FAT4: variants seen among roughly 807,000 people sequenced by gnomAD.
The protein encoded by FAT4 is FAT atypical cadherin 4.
A neutral mutation model predicts 303.9 loss-of-function variants in FAT4; 84 were observed. That is an observed-to-expected ratio of 0.28 (90% confidence interval 0.23 to 0.33). The LOEUF (loss-of-function observed/expected upper bound fraction) is 0.33. Among genes scored for constraint, FAT4 ranks in the 10% least tolerant of loss-of-function variants. The pLI is 1.00. For missense variants in FAT4, 6,005 were observed against 6,146.8 expected (o/e 0.98, Z 0.77); for synonymous variants, 2,307 against 2,298.8 (o/e 1.00, Z -0.10).
intron 2 of FAT4, among the ~76,000 whole-genome samples, chr4:125,393,042 A>G (rs1438525157): frequency 6.6e-6 from 1 of 152,220 alleles, no homozygotes; most frequent in Non-Finnish European, 1.5e-5. Flanking sequence ...CATTCCTACA[A>G]AAAGTATTAG....
intron 2 of FAT4, among the ~76,000 whole-genome samples, chr4:125,394,324 CA>C (rs1287345976): frequency 6.6e-6 from 1 of 152,048 alleles, no homozygotes; most frequent in African/African-American, 2.4e-5. Flanking sequence ...TGTGTTTTTG[CA>C]AAATGTTTAT....
intron 2 of FAT4, among the ~76,000 whole-genome samples, chr4:125,335,595 A>T (rs1461308389): frequency 6.6e-6 from 1 of 152,090 alleles, no homozygotes; most frequent in African/African-American, 2.4e-5. Context: ...TATAATTTAC[A>T]TATTTTTTAT....
At chr4:125,485,722 C>A (rs1369978987) in intron 16 of FAT4, among the ~76,000 whole-genome samples, 4 of 152,158 alleles carry the variant, frequency 2.6e-5, no homozygotes, top group African/African-American at 7.2e-5. Flanking sequence ...GCATAAACCA[C>A]TAATATAGTC....
chr4:125,483,545 T>G (rs1727300688), intron 16 of FAT4, among the ~76,000 whole-genome samples: 1 of 152,202 alleles, frequency 6.6e-6, no homozygotes, highest in South Asian at 2.1e-4. Context: ...CAGGATCCAT[T>G]TTTGTCACCA....
intron 10 of FAT4, 60 bp downstream of exon 10, chr4:125,452,870 G>T (rs755449182): frequency 6.7e-7 from 1 of 1,496,838 alleles, no homozygotes; most frequent in South Asian, 1.4e-5. Context: ...ATATTGAAAC[G>T]AAATAATTTT....
Position 125,491,631 on chromosome 4 carries a change from G to C in FAT4, c.14815G>C (p.Gly4939Arg), listed in dbSNP as rs778778303. 14 of 1,614,044 alleles carry C rather than the reference G, an allele frequency of 8.7e-6. No homozygotes were observed. The highest frequency in any genetic ancestry group is 1.2e-5 in the Non-Finnish European group (14 of 1,180,036). The stretch of plus-strand genomic sequence containing the variant: ...CAACTGGGACAACCTTTTGAACTGG[G>C]GCCCTGGCTTTGGCCATTATGTAGA... The part of the protein sequence containing the change: ...TFNWDNLLNW[G>R]PGFGHYVDVF... The change falls in exon 18 of 18, where the codon GGC (glycine) becomes CGC (arginine). Residue 4939 changes from glycine (G) to arginine (R), a missense_variant. Coordinates refer to ENST00000394329, the MANE Select transcript of FAT4 (RefSeq NM_001291303.3).
chr4:125,406,855 T>C (rs1339090042), intron 3 of FAT4, 25 bp from the exon 4 acceptor site: 4 of 1,607,980 alleles, frequency 2.5e-6, no homozygotes, highest in South Asian at 2.2e-5. Context: ...TTCCAATAGC[T>C]CAGATGCTTG....
intron 2 of FAT4, among the ~76,000 whole-genome samples, chr4:125,370,457 C>T (rs1473286771): frequency 6.6e-6 from 1 of 152,136 alleles, no homozygotes; most frequent in Non-Finnish European, 1.5e-5. Context: ...CACAAGGACT[C>T]ATGAGATGCT....
At chr4:125,474,085 C>T (rs1054942887) in intron 12 of FAT4, among the ~76,000 whole-genome samples, 2 of 152,042 alleles carry the variant, frequency 1.3e-5, no homozygotes, top group African/African-American at 4.8e-5. Flanking sequence ...GAGAATTTAA[C>T]TCTGAAGATT....
intron 7 of FAT4, among the ~76,000 whole-genome samples, chr4:125,428,685 C>T (rs2126039271): frequency 6.6e-6 from 1 of 152,280 alleles, no homozygotes; most frequent in African/African-American, 2.4e-5. Flanking sequence ...TATGTGCATA[C>T]ATATGTACAC....
At chr4:125,385,022 ATATTT>A (rs1480436747) in intron 2 of FAT4, among the ~76,000 whole-genome samples, 1,071 of 79,908 alleles carry the variant, frequency 0.013, 6 homozygotes, top group African/African-American at 0.039. Flanking sequence ...ATATATATAT[ATATTT>A]TTTTTTTTTT....
intron 5 of FAT4, among the ~76,000 whole-genome samples, chr4:125,412,430 TCA>T (rs1157625254): frequency 2.6e-5 from 4 of 151,894 alleles, no homozygotes; most frequent in Non-Finnish European, 5.9e-5. Context: ...ACAATAATCT[TCA>T]GTTTATTTTT....
intron 2 of FAT4, among the ~76,000 whole-genome samples, chr4:125,355,224 T>A (rs1161173952): frequency 6.6e-6 from 1 of 151,970 alleles, no homozygotes; most frequent in Non-Finnish European, 1.5e-5. Flanking sequence ...TACATTCATG[T>A]AATAATTTGT....
intron 10 of FAT4, among the ~76,000 whole-genome samples, chr4:125,454,080 T>C (rs1040272163): frequency 9.2e-5 from 14 of 152,224 alleles, no homozygotes; most frequent in Non-Finnish European, 1.9e-4. Flanking sequence ...GCATATTACA[T>C]TGAGTTACTC....
At chr4:125,412,982 C>T (rs115406209) in intron 5 of FAT4, among the ~76,000 whole-genome samples, 3,419 of 151,552 alleles carry the variant, frequency 0.023, 129 homozygotes, top group African/African-American at 0.079. Flanking sequence ...AGTAATTAAA[C>T]GTAACTATAT....
chr4:125,326,902 G>C (rs576530387), intron 2 of FAT4, among the ~76,000 whole-genome samples: 1 of 152,128 alleles, frequency 6.6e-6, no homozygotes, highest in South Asian at 2.1e-4. Context: ...GTGCACGCCT[G>C]TAGTCCCAGC....
chr4:125,405,863 T>G (rs1734581806), intron 3 of FAT4, among the ~76,000 whole-genome samples: 1 of 152,168 alleles, frequency 6.6e-6, no homozygotes, highest in Non-Finnish European at 1.5e-5. Flanking sequence ...TTAACCATTT[T>G]TTTATTGGAT....
Position 125,455,228 on chromosome 4 carries a change from G to A in FAT4, c.11800+2418G>A, listed in dbSNP as rs144667891. 8.7e-4 allele frequency among the ~76,000 whole-genome samples: 132 copies of A among 152,270 alleles called. 1 individual carries two copies. Among genetic ancestry groups the A allele is most frequent in the African/African-American group, 3.0e-3 (126 of 41,546 alleles). On this transcript the variant is annotated intron_variant, in intron 10 of 17. Transcript: ENST00000394329. ...GTCCTAGAATGAAGAAAGTGCAAAT[G>A]TATTAGGTATGGATAAGAAACATGG...
chr4:125,486,310 T>C (rs1288841387), intron 16 of FAT4, among the ~76,000 whole-genome samples: 1 of 152,000 alleles, frequency 6.6e-6, no homozygotes, highest in African/African-American at 2.4e-5. Context: ...TCTGGAAAAA[T>C]TGGCTTTAAT....
Sources: gnomAD v4.1 joint callset for allele counts (sites outside exome capture counted in the v4.1 genomes callset) on GRCh38, gnomAD v4.1.1 for gene constraint, MANE v1.5 for transcripts, NCBI Gene and HGNC (gene_info 2026-07-23, HGNC 2026-07-21) for gene names.